Variants in SLC25A42 observed in about 807,000 individuals in gnomAD.
The protein encoded by SLC25A42 is solute carrier family 25 member 42.
In SLC25A42, 19 loss-of-function variants were observed where a neutral mutation model predicts 34.7. The ratio of observed to expected loss-of-function variants is 0.55; its 90% CI spans 0.38 to 0.80. The LOEUF (loss-of-function observed/expected upper bound fraction) is 0.80. Ranked by LOEUF, SLC25A42 falls within the 30% of genes least tolerant of loss-of-function variation. The pLI, the probability that SLC25A42 is intolerant of heterozygous loss-of-function variation, is 0.00. For missense variants in SLC25A42, 364 were observed against 441.3 expected, an observed-to-expected ratio of 0.82 and a Z score of 1.57; for synonymous variants, 205 against 191.2, an observed-to-expected ratio of 1.07 and a Z score of -0.59.
At chr19:19,064,740 G>A (rs1397036610) in intron 1 of SLC25A42, among the ~76,000 whole-genome samples, 3 of 149,998 alleles carry the variant, frequency 2.0e-5, no homozygotes, top group Non-Finnish European at 4.4e-5. Flanking sequence ...CCCACCTTGG[G>A]CTTTCTTCCA....
intron 2 of SLC25A42, 50 bp downstream of exon 2, chr19:19,096,255 C>CCCCCCCCCCCCCCCCCCCCCCCCCA: frequency 8.0e-7 from 1 of 1,250,470 alleles, no homozygotes; most frequent in Non-Finnish European, 1.1e-6. Flanking sequence ...GCCCCAGCCT[C>CCCCCCCCCCCCCCCCCCCCCCCCCA]CCCACCCCCC....
At chr19:19,083,746 C>T (rs1196101370) in intron 1 of SLC25A42, among the ~76,000 whole-genome samples, 1 of 152,082 alleles carries the variant, frequency 6.6e-6, no homozygotes, top group Admixed American at 6.5e-5. Flanking sequence ...GCAGAGAGCC[C>T]CAGAAAAAGT....
intron 1 of SLC25A42, among the ~76,000 whole-genome samples, chr19:19,082,401 CAG>C (rs973013655): frequency 1.3e-5 from 2 of 152,312 alleles, no homozygotes; most frequent in African/African-American, 4.8e-5. Context: ...CCTTTCCTGA[CAG>C]AGTCTTGCTC....
intron 7 of SLC25A42, among the ~76,000 whole-genome samples, 159 bp from the exon 8 acceptor site, chr19:19,110,410 G>A (rs1000108975): frequency 2.0e-5 from 3 of 152,216 alleles, no homozygotes; most frequent in Non-Finnish European, 2.9e-5. Context: ...GAGGCAGTGG[G>A]GCGTGTGGGT....
intron 1 of SLC25A42, among the ~76,000 whole-genome samples, chr19:19,067,357 G>A (rs1198550012): frequency 6.6e-6 from 1 of 152,160 alleles, no homozygotes; most frequent in African/African-American, 2.4e-5. Context: ...TGAGGCAGGT[G>A]TATTGCTTGA....
At chr19:19,082,985 AT>A (rs1453528972) in intron 1 of SLC25A42, among the ~76,000 whole-genome samples, 1 of 151,678 alleles carries the variant, frequency 6.6e-6, no homozygotes, top group South Asian at 2.1e-4. Context: ...CACCCAGCTA[AT>A]TTTTTTTGTA....
chr19:19,090,316 C>G (rs1418926823), intron 1 of SLC25A42, among the ~76,000 whole-genome samples: 1 of 152,128 alleles, frequency 6.6e-6, no homozygotes, highest in East Asian at 1.9e-4. Flanking sequence ...AGGAAAATAT[C>G]TTTTTCTCAC....
At chr19:19,077,432 G>A (rs1456193998) in intron 1 of SLC25A42, among the ~76,000 whole-genome samples, 1 of 152,130 alleles carries the variant, frequency 6.6e-6, no homozygotes, top group African/African-American at 2.4e-5. Context: ...ATGACTCTAG[G>A]GACCTCATAT....
chr19:19,075,173 G>A (rs928666890), intron 1 of SLC25A42, among the ~76,000 whole-genome samples: 1 of 151,898 alleles, frequency 6.6e-6, no homozygotes, highest in South Asian at 2.1e-4. Flanking sequence ...GAAGTAGCTT[G>A]TCCTGCCCTC....
chr19:19,106,538 T>C, intron 6 of SLC25A42, 153 bp downstream of exon 6: 1 of 561,884 alleles, frequency 1.8e-6, no homozygotes, highest in East Asian at 3.2e-5. Flanking sequence ...CTGCAGCTGT[T>C]CCAGAAAGGC....
intron 1 of SLC25A42, among the ~76,000 whole-genome samples, chr19:19,085,376 C>T (rs1455078848): frequency 8.7e-6 from 1 of 114,682 alleles, no homozygotes; most frequent in African/African-American, 3.3e-5. Flanking sequence ...ACAATAGCCA[C>T]ATTTTTTCTT....
At chr19:19,068,354 CAA>C (rs565352679) in intron 1 of SLC25A42, among the ~76,000 whole-genome samples, 23 of 68,808 alleles carry the variant, frequency 3.3e-4, no homozygotes, top group Admixed American at 1.2e-3. Context: ...GACTCTGTCT[CAA>C]AAAAAAAAAA....
intron 6 of SLC25A42, among the ~76,000 whole-genome samples, chr19:19,107,086 G>C (rs1280421622): frequency 1.3e-5 from 2 of 152,008 alleles, no homozygotes; most frequent in Non-Finnish European, 2.9e-5. Context: ...GGGAGGCCAA[G>C]GCAGGAGGAT....
At chr19:19,091,328 C>T (rs569909570) in intron 1 of SLC25A42, among the ~76,000 whole-genome samples, 2 of 152,018 alleles carry the variant, frequency 1.3e-5, no homozygotes, top group East Asian at 1.9e-4. Flanking sequence ...CATGGTGGTG[C>T]GCGCCTATAA....
At chr19:19,110,497 GGCGCGCGCACGGGTGCGGGGTGC>G in intron 7 of SLC25A42, 49 bp from the exon 8 acceptor site, 4 of 1,316,314 alleles carry the variant, frequency 3.0e-6, no homozygotes, top group Middle Eastern at 2.8e-4. Flanking sequence ...GGGGTGCAAA[GGCGCGCGCACGGGTGCGGGGTGC>G]GCGCCCCCTC....
chr19:19,092,641 G>A (rs1296079392), intron 1 of SLC25A42, among the ~76,000 whole-genome samples: 1 of 152,222 alleles, frequency 6.6e-6, no homozygotes, highest in Non-Finnish European at 1.5e-5. Context: ...ACAGGAGGGT[G>A]GGAGGGACCC....
At chr19:19,071,752 G>A (rs1354815084) in intron 1 of SLC25A42, among the ~76,000 whole-genome samples, 3 of 152,036 alleles carry the variant, frequency 2.0e-5, no homozygotes, top group Non-Finnish European at 4.4e-5. Context: ...TGTAATCTCA[G>A]CTACTCAGGA....
At chr19:19,087,167 AT>A (rs916509905) in intron 1 of SLC25A42, among the ~76,000 whole-genome samples, 24 of 149,438 alleles carry the variant, frequency 1.6e-4, no homozygotes, top group African/African-American at 4.7e-4. Context: ...TATGTATTTG[AT>A]TTTTTTTTTC....
chr19:19,096,214 C>A lies in SLC25A42; in HGVS notation c.81+9C>A. The A allele has an allele frequency of 6.2e-7, 1 of 1,605,680 alleles. No homozygotes were observed. Among genetic ancestry groups the A allele is most frequent in the Admixed American group, 1.7e-5 (1 of 59,870 alleles). On this transcript the variant is annotated intron_variant, in intron 2 of 7. Transcript: ENST00000318596. The stretch of plus-strand genomic sequence containing the variant: ...CGTCCGTCTCATCAAAGGCAAGTAC[C>A]CCGGCCTCCTGGGATGGGTGTTCTC...
Sources: gnomAD v4.1 joint callset for allele counts (sites outside exome capture counted in the v4.1 genomes callset) on GRCh38, gnomAD v4.1.1 for gene constraint, MANE v1.5 for transcripts, NCBI Gene and HGNC (gene_info 2026-07-23, HGNC 2026-07-21) for gene names.